RPS6KA2: variants seen among roughly 807,000 people sequenced by gnomAD.
The protein encoded by RPS6KA2 is ribosomal protein S6 kinase A2.
RPS6KA2 carries 42 observed loss-of-function variants against 91.8 expected under a neutral mutation model. That is an observed-to-expected ratio of 0.46 (90% CI 0.36 to 0.59). RPS6KA2 has a LOEUF of 0.59. Ranked by LOEUF, RPS6KA2 falls within the 20% of genes least tolerant of loss-of-function variation. The probability of loss-of-function intolerance (pLI) is 0.00; values close to 1 mark genes in which losing one functional copy is unlikely to be tolerated. For synonymous variants in RPS6KA2, 414 were observed against 393.6 expected (o/e 1.05, Z -0.61); for missense variants, 798 against 978.5 (o/e 0.82, Z 2.46).
chr6:166,432,075 GAA>G (rs1562489713), intron 15 of RPS6KA2, among the ~76,000 whole-genome samples: 1 of 152,186 alleles, frequency 6.6e-6, no homozygotes. Context: ...GCGTGAGGAG[GAA>G]AATTGTCTCC....
Position 166,767,601 on chromosome 6 carries a change from A to G in RPS6KA2, c.123+90599T>C, listed in dbSNP as rs1003165623. Among the ~76,000 whole-genome samples, 9 of 152,158 alleles carry G rather than the reference A, an allele frequency of 5.9e-5. No homozygotes were observed. The highest frequency in any genetic ancestry group is 4.6e-4 in the Admixed American group (7 of 15,272). Reference sequence around the variant, plus strand: ...CAGGAAGGGTGAACATTCGGCCAGAATGTGTTGAGCGTCCACAATGTTCCA... The same window carrying G: ...CAGGAAGGGTGAACATTCGGCCAGAGTGTGTTGAGCGTCCACAATGTTCCA... On this transcript the variant is annotated intron_variant, in intron 2 of 21. Transcript: ENST00000503859. This position sits in a 1 kb window ranked among gnomAD's most constrained non-coding sequence, Gnocchi z 4.6.
chr6:166,768,492 C>A (rs1206461419), intron 2 of RPS6KA2, among the ~76,000 whole-genome samples: 1 of 152,120 alleles, frequency 6.6e-6, no homozygotes, highest in Non-Finnish European at 1.5e-5. Flanking sequence ...GCGGCAGGGG[C>A]AGCTGCCTCT....
chr6:166,737,954 C>T lies in RPS6KA2; in HGVS notation c.123+120246G>A, dbSNP rs1437188685. Among the ~76,000 whole-genome samples the T allele has an allele frequency of 6.6e-6, 1 of 152,160 alleles. No homozygotes were observed. Among genetic ancestry groups the T allele is most frequent in the East Asian group, 1.9e-4 (1 of 5,196 alleles). ...GTAAAATAAAAATGTCATGCCATCG[C>T]TCAGAGAGAATCCTTTTAATATTGT... On this transcript the variant is annotated intron_variant, in intron 2 of 21. Coordinates refer to the RPS6KA2 transcript ENST00000503859. This position sits in a 1 kb window ranked among gnomAD's most constrained non-coding sequence, Gnocchi z 4.3.
At chr6:166,758,108 T>C (rs1778069185) in intron 2 of RPS6KA2, among the ~76,000 whole-genome samples, 1 of 152,212 alleles carries the variant, frequency 6.6e-6, no homozygotes, top group East Asian at 1.9e-4. Flanking sequence ...TAGCAGTGCA[T>C]GAAAAGACAC....
At chr6:166,686,382 G>T (rs1216409059) in intron 2 of RPS6KA2, among the ~76,000 whole-genome samples, 1 of 152,110 alleles carries the variant, frequency 6.6e-6, no homozygotes, top group Non-Finnish European at 1.5e-5. Flanking sequence ...CTGCTTTTTT[G>T]TATGCAGGGA....
In RPS6KA2 at chr6:166,413,940, G is replaced by A. The variant is rs1364769098; in HGVS notation, c.1939-9C>T. The A allele has an allele frequency of 6.2e-7, 1 of 1,613,208 alleles. No individual in the cohort carries two copies. Among genetic ancestry groups the A allele is most frequent in the Non-Finnish European group, 8.5e-7 (1 of 1,179,800 alleles). On this transcript the variant is annotated splice_polypyrimidine_tract_variant and intron_variant, in intron 19 of 20. Transcript: ENST00000265678. The stretch of plus-strand genomic sequence containing the variant: ...ATCTTGGACACGACGTCCTGCCAGG[G>A]AAGGTCATGAGAGTCGGGGGGATGG...
intron 1 of RPS6KA2, among the ~76,000 whole-genome samples, chr6:166,560,999 T>A (rs1260712092): frequency 6.6e-6 from 1 of 151,976 alleles, no homozygotes; most frequent in Non-Finnish European, 1.5e-5. Context: ...TCCACACCCC[T>A]ACTAAATAAA....
chr6:166,619,030 G>A (rs1786524668), intron 1 of RPS6KA2, among the ~76,000 whole-genome samples: 1 of 150,220 alleles, frequency 6.7e-6, no homozygotes, highest in African/African-American at 2.5e-5. Flanking sequence ...CCAGCCCTGT[G>A]CATATGGGCT....
chr6:166,644,064 G>T (rs1787530564), intron 2 of RPS6KA2, among the ~76,000 whole-genome samples: 1 of 152,186 alleles, frequency 6.6e-6, no homozygotes, highest in Non-Finnish European at 1.5e-5. Flanking sequence ...CATGCACTTT[G>T]TGCCACAGGA....
rs1263349745 is a variant in RPS6KA2, at chr6:166,840,321, A to C, written c.123+17879T>G. Among the ~76,000 whole-genome samples the C allele has an allele frequency of 2.0e-5, 3 of 152,276 alleles. No individual in the cohort carries two copies. In the East Asian group the frequency reaches 5.8e-4, roughly 29 times the overall value. ...GGTGGTTTCCATGCACAGCAAAAAG[A>C]AACAGACTTCCAGGCTTTCATGTGA... On this transcript the variant is annotated intron_variant, in intron 2 of 21. Coordinates refer to the RPS6KA2 transcript ENST00000503859.
intron 2 of RPS6KA2, among the ~76,000 whole-genome samples, chr6:166,778,353 G>A (rs1323437273): frequency 6.6e-6 from 1 of 152,234 alleles, no homozygotes; most frequent in Non-Finnish European, 1.5e-5. Context: ...TTAAAGGCCA[G>A]AATGTGAAAA....
At chr6:166,456,568 G>A (rs112691248) in intron 12 of RPS6KA2, among the ~76,000 whole-genome samples, 1 of 152,298 alleles carries the variant, frequency 6.6e-6, no homozygotes, top group African/African-American at 2.4e-5. Flanking sequence ...CAGCTTGAGC[G>A]CTGGCTGAAG....
At chr6:166,713,827 TG>T (rs1232826792) in intron 2 of RPS6KA2, among the ~76,000 whole-genome samples, 4 of 152,240 alleles carry the variant, frequency 2.6e-5, no homozygotes, top group African/African-American at 9.6e-5. Flanking sequence ...CAGAGACGAC[TG>T]GGGTCATGGT....
intron 2 of RPS6KA2, among the ~76,000 whole-genome samples, chr6:166,707,051 T>C (rs1293888556): frequency 6.6e-6 from 1 of 152,230 alleles, no homozygotes; most frequent in Non-Finnish European, 1.5e-5. Context: ...ATACCTATAA[T>C]TAGTGTGCAG....
chr6:166,603,950 T>G lies in RPS6KA2; in HGVS notation c.99+22971A>C, dbSNP rs1308325404. 6.6e-6 allele frequency among the ~76,000 whole-genome samples: 1 copy of G among 152,158 alleles called. No homozygotes were observed. The highest frequency in any genetic ancestry group is 2.4e-5 in the African/African-American group (1 of 41,442). On this transcript the variant is annotated intron_variant, in intron 1 of 20. Transcript: ENST00000265678. This position sits in a 1 kb window ranked among gnomAD's most constrained non-coding sequence, Gnocchi z 4.3. ...AAGGGGTGAGATGAGAGCTAAGAAC[T>G]TCTCCAACTCGTCCTAACGTGTCCC...
rs567419359 is a variant in RPS6KA2 at position 166,732,962 on chromosome 6, C to T, written c.123+125238G>A. The stretch of plus-strand genomic sequence containing the variant: ...GCTTAGAGGAAATGAGGAACCGGAG[C>T]GGCTGGGGTGCAGGGTGGGAGGCAG... On this transcript the variant is annotated intron_variant, in intron 2 of 21. Transcript: ENST00000503859. The surrounding 1 kb of genome is among the most constrained non-coding windows in gnomAD (Gnocchi z 4.0). 1.3e-5 allele frequency among the ~76,000 whole-genome samples: 2 copies of T among 152,234 alleles called. No individual in the cohort carries two copies. The highest frequency in any genetic ancestry group is 4.8e-5 in the African/African-American group (2 of 41,546).
chr6:166,840,893 G>A (rs1780456503), intron 2 of RPS6KA2, among the ~76,000 whole-genome samples: 2 of 152,174 alleles, frequency 1.3e-5, no homozygotes, highest in South Asian at 4.2e-4. Context: ...AACCCAGGAG[G>A]CAGAGGTTGC....
At chr6:166,571,528 C>T (rs975613569) in intron 1 of RPS6KA2, among the ~76,000 whole-genome samples, 4 of 152,220 alleles carry the variant, frequency 2.6e-5, no homozygotes, top group Non-Finnish European at 5.9e-5. Context: ...CATGAATGCA[C>T]GCACATGCGC....
In RPS6KA2 at chr6:166,586,140, G is replaced by A. The variant is rs971337098; in HGVS notation, c.99+40781C>T. 8.9e-5 allele frequency: 135 copies of A among 1,522,760 alleles called. 4 individuals are homozygous for A. Among genetic ancestry groups the A allele is most frequent in the African/African-American group, 1.2e-4 (5 of 42,222 alleles). 94.3% of individuals were successfully genotyped at this position (1,522,760 alleles called of 1,614,324 possible). A position where few individuals can be genotyped will look rare whatever the true frequency, so the allele number is the denominator to read the frequency against. On this transcript the variant is annotated intron_variant, in intron 1 of 20. Coordinates refer to ENST00000265678, the MANE Select transcript of RPS6KA2 (RefSeq NM_021135.6). ...TTTCTATCAGTAGTAACCGTAAGGAGGCCGCTGGTTGTAACCATAATGTCC... is the reference window on the plus strand; with the variant it reads ...TTTCTATCAGTAGTAACCGTAAGGAAGCCGCTGGTTGTAACCATAATGTCC...
Sources: allele counts gnomAD v4.1 joint callset (sites outside exome capture counted in the v4.1 genomes callset), GRCh38; gene constraint gnomAD v4.1.1; non-coding constraint Gnocchi (gnomAD v3.1); transcripts MANE v1.5; gene names NCBI Gene and HGNC (gene_info 2026-07-23, HGNC 2026-07-21).